Variants in ANK1 observed in about 807,000 individuals in gnomAD.
The protein encoded by ANK1 is ankyrin 1.
A neutral mutation model predicts 210.4 loss-of-function variants in ANK1; 51 were observed. The observed-to-expected ratio is 0.24, with a 90% CI of 0.19 to 0.31. The LOEUF (loss-of-function observed/expected upper bound fraction) is 0.31, where lower values mean the gene tolerates loss of function less well. ANK1 is among the 10% of genes least tolerant of loss of function. The pLI is 1.00. For synonymous variants in ANK1, 967 were observed against 1,025.9 expected, an observed-to-expected ratio of 0.94 and a Z score of 1.10; for missense variants, 2,051 against 2,504.4, an observed-to-expected ratio of 0.82 and a Z score of 3.86.
At chr8:41,687,967 C>A (rs28497799) in intron 35 of ANK1, among the ~76,000 whole-genome samples, 189 bp downstream of exon 35, 4 of 152,210 alleles carry the variant, frequency 2.6e-5, no homozygotes, top group African/African-American at 9.7e-5. Flanking sequence ...GAGATGGAGG[C>A]AGGGGGCTCC....
At chr8:41,669,261 C>T (rs1203905220) in intron 38 of ANK1, among the ~76,000 whole-genome samples, 1 of 151,996 alleles carries the variant, frequency 6.6e-6, no homozygotes, top group African/African-American at 2.4e-5. Flanking sequence ...CCTAGACCTA[C>T]AGCTGTGTGC....
intron 2 of ANK1, among the ~76,000 whole-genome samples, chr8:41,743,329 A>T (rs1835259355): frequency 6.6e-6 from 1 of 152,210 alleles, no homozygotes; most frequent in African/African-American, 2.4e-5. Flanking sequence ...GAAGGGAAGG[A>T]GCGACGGCAT....
intron 38 of ANK1, among the ~76,000 whole-genome samples, chr8:41,671,363 T>C (rs1001791291): frequency 2.6e-5 from 4 of 152,156 alleles, no homozygotes; most frequent in African/African-American, 9.7e-5. Flanking sequence ...CTGGTGCTTC[T>C]AAATATGGTC....
intron 20 of ANK1, among the ~76,000 whole-genome samples, chr8:41,703,450 ATT>A (rs58196949): frequency 5.0e-3 from 293 of 58,770 alleles, no homozygotes; most frequent in Admixed American, 7.8e-3. Context: ...ATATATATAT[ATT>A]TTTTTTTTTT....
intron 1 of ANK1, among the ~76,000 whole-genome samples, chr8:41,887,737 T>C (rs929703131): frequency 6.6e-6 from 1 of 152,266 alleles, no homozygotes; most frequent in Non-Finnish European, 1.5e-5. Flanking sequence ...TATATACAAG[T>C]GTATATTGTG....
intron 1 of ANK1, among the ~76,000 whole-genome samples, chr8:41,782,315 C>A (rs946565289): frequency 6.6e-6 from 1 of 152,194 alleles, no homozygotes; most frequent in African/African-American, 2.4e-5. Context: ...AGGAGCCCAC[C>A]GTGTTGGGGG....
intron 2 of ANK1, among the ~76,000 whole-genome samples, chr8:41,735,735 T>C (rs529691273): frequency 6.6e-6 from 1 of 152,296 alleles, no homozygotes; most frequent in African/African-American, 2.4e-5. Context: ...TGCTTTGCCA[T>C]AACTAGCAGA....
chr8:41,812,906 C>T (rs1213906504), intron 1 of ANK1, among the ~76,000 whole-genome samples: 1 of 152,174 alleles, frequency 6.6e-6, no homozygotes, highest in Non-Finnish European at 1.5e-5. Context: ...GCAATGCTTC[C>T]TGGCTCATTG....
intron 42 of ANK1, chr8:41,661,198 G>C (rs1007819738): frequency 1.7e-6 from 1 of 588,066 alleles, no homozygotes; most frequent in African/African-American, 1.9e-5. Context: ...TTACAAAACC[G>C]TGCGGTCCCT....
intron 32 of ANK1, 55 bp from the exon 33 acceptor site, chr8:41,690,401 T>C: frequency 1.2e-6 from 2 of 1,614,244 alleles, no homozygotes; most frequent in Non-Finnish European, 1.7e-6. Flanking sequence ...GCCACCCGGC[T>C]GTCTGGTTTA....
intron 3 of ANK1, among the ~76,000 whole-genome samples, chr8:41,730,003 T>C (rs1831713460): frequency 6.6e-6 from 1 of 152,240 alleles, no homozygotes; most frequent in Non-Finnish European, 1.5e-5. Context: ...TCAAACAACC[T>C]CATTTTTAGA....
chr8:41,683,077 TGCAC>T (rs1156280360), intron 37 of ANK1, among the ~76,000 whole-genome samples: 4 of 149,392 alleles, frequency 2.7e-5, no homozygotes, highest in Admixed American at 2.0e-4. Flanking sequence ...CATGAACACG[TGCAC>T]ACACACACAC....
At chr8:41,852,711 C>T (rs908493166) in intron 1 of ANK1, among the ~76,000 whole-genome samples, 1 of 152,208 alleles carries the variant, frequency 6.6e-6, no homozygotes, top group African/African-American at 2.4e-5. Flanking sequence ...CACCACGGTC[C>T]GATGATTTAT....
In ANK1 at chr8:41,696,772, G is replaced by A. The variant is rs150144102; in HGVS notation, c.2639C>T (p.Ala880Val). The A allele has an allele frequency of 8.8e-6, 14 of 1,599,510 alleles. No individual in the cohort carries two copies. In the African/African-American group the frequency reaches 1.2e-4, roughly 14 times the overall value. ...GGAGTCCTCATCATACTCTTTAGAT[G>A]CCTGAGGAGAGAGAAAGGGTCCTCC... ...VVIRSEEQEQ[A>V]SKEYDEDSLI... The change falls in exon 25 of 43, where the codon GCA (alanine) becomes GTA (valine). Residue 880 changes from alanine to valine, a missense_variant and splice_region_variant. Around this residue, in one of 6 missense-constraint regions of ANK1, gnomAD observed 1,413 missense variants for 1,707.4 expected, o/e 0.83. Transcript: ENST00000289734.
rs1563844601 is a variant in ANK1 at position 41,822,092 on chromosome 8, GAGAGAGAGAGAGAGAGAGAGAGAAAGAA to G, written c.127-63983_127-63956del. ...AGAGAGAGAGAGAGAGAGAGAGAGA[GAGAGAGAGAGAGAGAGAGAGAGAAAGAA>G]AGAGAAAGAAAGAGAAAGAAAGAAA... On this transcript the variant is annotated intron_variant, in intron 1 of 42. Transcript: ENST00000265709. 1.9e-3 allele frequency among the ~76,000 whole-genome samples: 99 copies of G among 51,814 alleles called. 2 individuals carry two copies. Among genetic ancestry groups the G allele is most frequent in the Middle Eastern group, 0.02 (2 of 98 alleles). 34.0% of individuals were successfully genotyped at this position (51,814 alleles called of 152,430 possible).
intron 1 of ANK1, among the ~76,000 whole-genome samples, chr8:41,823,813 G>GTCCA (rs1343104734): frequency 6.6e-6 from 1 of 152,098 alleles, no homozygotes; most frequent in Non-Finnish European, 1.5e-5. Flanking sequence ...ACACAGTGAA[G>GTCCA]TCCACTCTCT....
At chr8:41,725,153 A>T (rs759557138) in intron 6 of ANK1, among the ~76,000 whole-genome samples, 2 of 152,250 alleles carry the variant, frequency 1.3e-5, no homozygotes, top group Non-Finnish European at 2.9e-5. Flanking sequence ...CAGAGCCTGA[A>T]GGCAGGCCTA....
Position 41,816,841 on chromosome 8 carries a change from GC to G in ANK1, c.127-58705del, listed in dbSNP as rs576200451. On this transcript the variant is annotated intron_variant, in intron 1 of 42. Transcript: ENST00000265709. ...TTTATAAACACTTATTTTTCTTTAA[GC>G]CAATTAAATAGACCTTATCCAGAGA... Among the ~76,000 whole-genome samples the G allele has an allele frequency of 3.1e-3, 474 of 152,238 alleles. 1 individual carries two copies. Among genetic ancestry groups the G allele is most frequent in the Non-Finnish European group, 5.2e-3 (357 of 68,034 alleles).
At chr8:41,697,702 A>C (rs1381115219) in intron 24 of ANK1, 1 of 393,484 alleles carries the variant, frequency 2.5e-6, no homozygotes, top group African/African-American at 2.1e-5. Flanking sequence ...GAATCCAGTA[A>C]ACATCTGCTG....
Sources: allele counts gnomAD v4.1 joint callset (sites outside exome capture counted in the v4.1 genomes callset), GRCh38; gene constraint gnomAD v4.1.1; regional missense constraint gnomAD v4.1.1; transcripts MANE v1.5; gene names NCBI Gene and HGNC (gene_info 2026-07-23, HGNC 2026-07-21).